The following ERC1 variants were observed in gnomAD, a reference collection of about 807,000 sequenced individuals.
ERC1 encodes the protein RAB6 interacting protein 2.
ERC1 carries 56 observed loss-of-function variants against 132.0 expected under a neutral mutation model. That is an observed-to-expected ratio of 0.42 (90% CI 0.34 to 0.53). ERC1 has a LOEUF of 0.53. Among genes scored for constraint, ERC1 ranks in the 20% least tolerant of loss-of-function variants. The pLI, the probability that ERC1 is intolerant of heterozygous loss-of-function variation, is 0.03. For synonymous variants in ERC1, 478 were observed against 476.1 expected (o/e 1.00, Z -0.05); for missense variants, 1,202 against 1,349.9 (o/e 0.89, Z 1.72).
intron 2 of ERC1, among the ~76,000 whole-genome samples, chr12:1,073,776 C>A (rs1043488630): frequency 6.6e-6 from 1 of 152,136 alleles, no homozygotes; most frequent in Non-Finnish European, 1.5e-5. Context: ...TGACTGTCAA[C>A]GCATTAGGTT....
At chr12:1,322,171 A>T (rs931464349) in intron 15 of ERC1, among the ~76,000 whole-genome samples, 5 of 142,156 alleles carry the variant, frequency 3.5e-5, no homozygotes, top group African/African-American at 1.3e-4. Flanking sequence ...GTCTTTTTGA[A>T]CCAAGTTTTA....
intron 17 of ERC1, among the ~76,000 whole-genome samples, chr12:1,414,757 T>A (rs1465140072): frequency 6.6e-6 from 1 of 151,998 alleles, no homozygotes; most frequent in African/African-American, 2.4e-5. Flanking sequence ...GTAGGCCCCA[T>A]GAGGACAGGG....
chr12:1,271,414 T>C (rs989225547), intron 14 of ERC1, among the ~76,000 whole-genome samples: 20 of 152,120 alleles, frequency 1.3e-4, no homozygotes, highest in Non-Finnish European at 2.8e-4. Context: ...GGATTTCTGG[T>C]TGGCCAACTG....
Position 1,258,752 on chromosome 12 carries a change from A to AG in ERC1, c.2488-4280dup, listed in dbSNP as rs1260460537. On this transcript the variant is annotated intron_variant, in intron 13 of 18. Transcript: ENST00000360905. ...TCCCATGGTTATCAAAAGACTTGAA[A>AG]GGAATTTCTTATCATAATTCTGACC... Among the ~76,000 whole-genome samples the AG allele has an allele frequency of 5.9e-5, 9 of 152,354 alleles. No homozygotes were observed. The East Asian group carries it at 1.2e-3, about 20-fold the overall frequency.
chr12:1,103,448 C>T (rs1944900019), intron 3 of ERC1, among the ~76,000 whole-genome samples: 1 of 152,132 alleles, frequency 6.6e-6, no homozygotes, highest in South Asian at 2.1e-4. Flanking sequence ...TGAAGTGCTC[C>T]ATTAAGAAAA....
At chr12:1,412,550 C>T (rs886598802) in intron 17 of ERC1, among the ~76,000 whole-genome samples, 8 of 152,118 alleles carry the variant, frequency 5.3e-5, no homozygotes, top group African/African-American at 1.7e-4. Context: ...TACGTCATTG[C>T]GCTGTACTTC....
At chr12:1,091,532 G>A (rs1337629720) in intron 3 of ERC1, among the ~76,000 whole-genome samples, 1 of 152,148 alleles carries the variant, frequency 6.6e-6, no homozygotes, top group Non-Finnish European at 1.5e-5. Flanking sequence ...TGGAGAGGTG[G>A]CCAGAGTCAG....
intron 4 of ERC1, among the ~76,000 whole-genome samples, chr12:1,106,084 A>G (rs1429624665): frequency 6.6e-6 from 1 of 152,248 alleles, no homozygotes; most frequent in Non-Finnish European, 1.5e-5. Flanking sequence ...CCCTGGATTC[A>G]AAATCTCGCT....
chr12:1,340,615 G>A (rs747275711), intron 15 of ERC1, among the ~76,000 whole-genome samples: 27 of 152,062 alleles, frequency 1.8e-4, no homozygotes, highest in East Asian at 5.8e-4. Flanking sequence ...CCGGTGCAGC[G>A]TTCCCAGCAT....
chr12:1,127,911 C>A (rs577828450), intron 7 of ERC1, among the ~76,000 whole-genome samples: 1 of 152,164 alleles, frequency 6.6e-6, no homozygotes, highest in African/African-American at 2.4e-5. Context: ...CCAAGACCTC[C>A]GCATAAATCT....
chr12:1,354,501 C>T (rs1218025436), intron 15 of ERC1, among the ~76,000 whole-genome samples: 1 of 149,378 alleles, frequency 6.7e-6, no homozygotes, highest in Admixed American at 6.7e-5. Context: ...CCAGCCTGGG[C>T]GACAAGAGTG....
chr12:1,440,616 G>T lies in ERC1; in HGVS notation c.3025-3946G>T, dbSNP rs1202572723. Among the ~76,000 whole-genome samples, 660 of 74,546 alleles carry T rather than the reference G, an allele frequency of 8.9e-3. 82 individuals carry two copies. The highest frequency in any genetic ancestry group is 0.086 in the African/African-American group (614 of 7,102). 48.9% of individuals were successfully genotyped at this position (74,546 alleles called of 152,430 possible). On this transcript the variant is annotated intron_variant, in intron 17 of 18. Transcript: ENST00000360905. ...CTCAGCCTTTTGTGTGTGTGTGTGT[G>T]TGTGTGTGTGTGTGTGTGTGTGTGT...
intron 12 of ERC1, among the ~76,000 whole-genome samples, chr12:1,231,368 G>T (rs902645758): frequency 6.6e-6 from 1 of 151,874 alleles, no homozygotes; most frequent in Non-Finnish European, 1.5e-5. Flanking sequence ...TTATATTTGT[G>T]TACCCATTGA....
At chr12:1,245,971 A>G (rs1017358450) in intron 13 of ERC1, among the ~76,000 whole-genome samples, 3 of 152,078 alleles carry the variant, frequency 2.0e-5, no homozygotes, top group African/African-American at 4.8e-5. Flanking sequence ...AGTCTTAACT[A>G]TGTTGCCCAG....
chr12:1,184,594 A>G (rs1185344504), intron 11 of ERC1, among the ~76,000 whole-genome samples: 6 of 152,244 alleles, frequency 3.9e-5, no homozygotes, highest in Admixed American at 3.9e-4. Flanking sequence ...GTCTTGAGGT[A>G]ATGATAATTG....
chr12:1,200,222 T>C (rs1956778047), intron 12 of ERC1, among the ~76,000 whole-genome samples: 1 of 152,152 alleles, frequency 6.6e-6, no homozygotes, highest in Non-Finnish European at 1.5e-5. Flanking sequence ...GTTTATAGGA[T>C]GATATTACCA....
chr12:1,470,027 C>T (rs919325785), intron 18 of ERC1, among the ~76,000 whole-genome samples: 10 of 151,652 alleles, frequency 6.6e-5, no homozygotes, highest in African/African-American at 1.2e-4. Context: ...TTGTGAGTTA[C>T]GGGGCCAGGA....
At chr12:1,078,022 G>T (rs1941612376) in intron 2 of ERC1, among the ~76,000 whole-genome samples, 2 of 152,288 alleles carry the variant, frequency 1.3e-5, no homozygotes, top group South Asian at 4.1e-4. Flanking sequence ...CGGAGCTGAA[G>T]AACCAGACAC....
intron 2 of ERC1, among the ~76,000 whole-genome samples, chr12:1,043,335 G>A (rs527558083): frequency 9.9e-5 from 15 of 152,102 alleles, no homozygotes; most frequent in Non-Finnish European, 2.1e-4. Context: ...GAGCCACTGC[G>A]CCCGGCCTGT....
Sources: allele counts gnomAD v4.1 joint callset (sites outside exome capture counted in the v4.1 genomes callset), GRCh38; gene constraint gnomAD v4.1.1; transcripts MANE v1.5; gene names NCBI Gene and HGNC (gene_info 2026-07-23, HGNC 2026-07-21).